WWOX: variants seen among roughly 807,000 people sequenced by gnomAD.
WWOX encodes WW domain containing oxidoreductase, also known as WW domain-containing oxidoreductase.
WWOX carries 69 observed loss-of-function variants against 46.2 expected under a neutral mutation model. The observed-to-expected ratio is 1.49, with a 90% confidence interval of 1.23 to 1.82. WWOX has a LOEUF of 1.82. Among genes scored for constraint, WWOX ranks in the 40% most tolerant of loss-of-function variants. The pLI is 0.00. For missense variants in WWOX, 919 were observed against 542.6 expected (o/e 1.69, Z -6.89); for synonymous variants, 359 against 202.6 (o/e 1.77, Z -6.56).
At chr16:78,719,442 C>G (rs1375821951) in intron 8 of WWOX, among the ~76,000 whole-genome samples, 5 of 152,210 alleles carry the variant, frequency 3.3e-5, no homozygotes, top group African/African-American at 7.2e-5. Flanking sequence ...TTCGGGTGGA[C>G]TGTCACATGT....
At chr16:78,887,475 ACAC>A (rs2044490890) in intron 8 of WWOX, among the ~76,000 whole-genome samples, 2 of 17,526 alleles carry the variant, frequency 1.1e-4, no homozygotes, top group Non-Finnish European at 5.7e-4. Context: ...TAAAACACAC[ACAC>A]ACACACACAC....
At chr16:78,397,679 G>C (rs1280421908) in intron 6 of WWOX, among the ~76,000 whole-genome samples, 1 of 152,210 alleles carries the variant, frequency 6.6e-6, no homozygotes, top group African/African-American at 2.4e-5. Flanking sequence ...CCACTGCCTA[G>C]TGGGACAATT....
At position 78,807,840 on chromosome 16, in the gene WWOX, G is replaced by C. The variant is rs370561546; in HGVS notation, c.1056+375088G>C. 3.9e-5 allele frequency among the ~76,000 whole-genome samples: 6 copies of C among 152,366 alleles called. No homozygotes were observed. In the East Asian group the frequency reaches 5.8e-4, roughly 15 times the overall value. On this transcript the variant is annotated intron_variant, in intron 8 of 8. Coordinates refer to ENST00000566780, the MANE Select transcript of WWOX (RefSeq NM_016373.4). ...AATGAATTAAAGTTGTATAACATTT[G>C]TAAAAATCACTTCTTCGGTTTCATT...
At chr16:78,687,025 G>A (rs1016477885) in intron 8 of WWOX, among the ~76,000 whole-genome samples, 2 of 152,248 alleles carry the variant, frequency 1.3e-5, no homozygotes, top group East Asian at 3.9e-4. Context: ...GGCACATCAT[G>A]GCCAACAAGA....
At chr16:78,596,445 C>T (rs1478746352) in intron 8 of WWOX, among the ~76,000 whole-genome samples, 3 of 152,054 alleles carry the variant, frequency 2.0e-5, no homozygotes, top group African/African-American at 2.4e-5. Context: ...TGGCAACCCA[C>T]AGCAGGAATA....
intron 8 of WWOX, among the ~76,000 whole-genome samples, chr16:78,669,169 C>T (rs987223301): frequency 1.3e-5 from 2 of 152,100 alleles, no homozygotes; most frequent in East Asian, 1.9e-4. Flanking sequence ...ACCCCAGAAC[C>T]GGAAGACAAA....
chr16:78,321,316 G>GTA (rs1211688639), intron 5 of WWOX, among the ~76,000 whole-genome samples: 1 of 100,066 alleles, frequency 1.0e-5, no homozygotes, highest in Non-Finnish European at 1.9e-5. Context: ...ATATATATGC[G>GTA]TATATATATA....
chr16:78,706,398 G>C (rs1381000939), intron 8 of WWOX, among the ~76,000 whole-genome samples: 4 of 152,028 alleles, frequency 2.6e-5, no homozygotes, highest in Non-Finnish European at 5.9e-5. Context: ...GAATCTCTCT[G>C]GGGGCATCCT....
chr16:78,497,680 G>A (rs1473627700), intron 8 of WWOX, among the ~76,000 whole-genome samples: 1 of 152,146 alleles, frequency 6.6e-6, no homozygotes, highest in Non-Finnish European at 1.5e-5. Context: ...ATACTTGTTT[G>A]ATTAGGTCTA....
chr16:78,945,610 G>A lies in WWOX; in HGVS notation c.1057-265998G>A, dbSNP rs570517582. ...TCTTTTGGTTTGTTGGCTTATGTTC[G>A]CTGCTTGATCTGACTACTGGTTTTA... On this transcript the variant is annotated intron_variant, in intron 8 of 8. Transcript: ENST00000566780. Among the ~76,000 whole-genome samples, 22 of 152,004 alleles carry A rather than the reference G, an allele frequency of 1.4e-4. No homozygotes were observed. In the East Asian group the frequency reaches 1.9e-3, roughly 13 times the overall value.
At position 78,555,486 on chromosome 16, in the gene WWOX, A is replaced by G. The variant is rs548445575; in HGVS notation, c.1056+122734A>G. ...GCACCTCAGTGTATTCTTCTGACTA[A>G]TGGGGACAGTAGCAACATCGATGTC... is the stretch of plus-strand genomic sequence containing the variant. On this transcript the variant is annotated intron_variant, in intron 8 of 8. Transcript: ENST00000566780. Among the ~76,000 whole-genome samples the G allele has an allele frequency of 3.3e-5, 5 of 152,034 alleles. No homozygotes were observed. The South Asian group carries it at 6.3e-4, about 19-fold the overall frequency.
intron 8 of WWOX, among the ~76,000 whole-genome samples, chr16:78,747,950 A>G (rs1458872142): frequency 6.6e-6 from 1 of 152,176 alleles, no homozygotes; most frequent in Non-Finnish European, 1.5e-5. Flanking sequence ...CTGCAGCCGA[A>G]ATAACCATGC....
chr16:79,061,106 T>C (rs2048349979), intron 8 of WWOX, among the ~76,000 whole-genome samples: 1 of 152,172 alleles, frequency 6.6e-6, no homozygotes, highest in Admixed American at 6.5e-5. Flanking sequence ...AGAGGTACAT[T>C]GGGTGGCCAT....
chr16:78,571,327 A>G (rs958376338), intron 8 of WWOX, among the ~76,000 whole-genome samples: 5 of 152,206 alleles, frequency 3.3e-5, no homozygotes, highest in African/African-American at 1.2e-4. Context: ...GGGAGCCAAA[A>G]TTCATCATAG....
At chr16:78,216,189 A>G (rs988944913) in intron 5 of WWOX, among the ~76,000 whole-genome samples, 1 of 152,208 alleles carries the variant, frequency 6.6e-6, no homozygotes, top group African/African-American at 2.4e-5. Flanking sequence ...AAAATAATAA[A>G]TATATACATA....
At chr16:78,517,981 G>GA (rs2043274245) in intron 8 of WWOX, among the ~76,000 whole-genome samples, 1 of 149,288 alleles carries the variant, frequency 6.7e-6, no homozygotes, top group South Asian at 2.1e-4. Context: ...GAGATGGACT[G>GA]AAAAGAGAAG....
intron 8 of WWOX, among the ~76,000 whole-genome samples, chr16:78,745,693 C>G (rs1394490418): frequency 6.7e-6 from 1 of 150,152 alleles, no homozygotes; most frequent in Non-Finnish European, 1.5e-5. Context: ...GACATCCACC[C>G]CCTCACTGCC....
At chr16:78,899,739 C>T (rs1455926341) in intron 8 of WWOX, 1 of 152,196 alleles carries the variant, frequency 6.6e-6, no homozygotes, top group Non-Finnish European at 1.5e-5. Context: ...TTAAGGAGAT[C>T]TCTGTGATCC....
chr16:78,850,293 T>C (rs1236698000), intron 8 of WWOX, among the ~76,000 whole-genome samples: 2 of 152,180 alleles, frequency 1.3e-5, no homozygotes, highest in South Asian at 2.1e-4. Flanking sequence ...GATTTTCCCC[T>C]ATGAATGAGT....
Sources: allele counts gnomAD v4.1 joint callset (sites outside exome capture counted in the v4.1 genomes callset), GRCh38; gene constraint gnomAD v4.1.1; transcripts MANE v1.5; gene names NCBI Gene and HGNC (gene_info 2026-07-23, HGNC 2026-07-21).